Variants in CADM2 observed in about 807,000 individuals in gnomAD.
The protein encoded by CADM2 is immunoglobulin superfamily member 4D.
Under a neutral mutation model 49.8 loss-of-function variants are expected in CADM2, and 12 were observed. That is an observed-to-expected ratio of 0.24 (90% CI 0.15 to 0.39). The LOEUF is 0.39. CADM2 is among the 10% of genes least tolerant of loss of function. CADM2 has a pLI of 1.00. For missense variants in CADM2, 378 were observed against 492.3 expected, an observed-to-expected ratio of 0.77 and a Z score of 2.20; for synonymous variants, 214 against 175.4, an observed-to-expected ratio of 1.22 and a Z score of -1.74.
At chr3:85,272,422 GA>G (rs1235137685) in intron 1 of CADM2, among the ~76,000 whole-genome samples, 6 of 150,608 alleles carry the variant, frequency 4.0e-5, no homozygotes, top group Admixed American at 1.3e-4. Context: ...TTCTGAAAAA[GA>G]AAAAAAGATA....
chr3:85,930,957 A>C (rs931075915), intron 6 of CADM2, among the ~76,000 whole-genome samples: 1 of 150,568 alleles, frequency 6.6e-6, no homozygotes, highest in African/African-American at 2.4e-5. Context: ...TTAATAGTTC[A>C]GATTAATTAT....
intron 1 of CADM2, among the ~76,000 whole-genome samples, chr3:85,023,341 A>G (rs532524374): frequency 1.8e-3 from 277 of 152,052 alleles, no homozygotes; most frequent in Non-Finnish European, 3.7e-3. Flanking sequence ...TTTCCCTTTA[A>G]TATGTCTTCT....
chr3:85,517,285 T>A (rs2060927317), intron 1 of CADM2, among the ~76,000 whole-genome samples: 1 of 152,102 alleles, frequency 6.6e-6, no homozygotes, highest in Non-Finnish European at 1.5e-5. Context: ...CCATTACTTG[T>A]GGTTTAGCTT....
chr3:85,999,017 G>T (rs909595058), intron 8 of CADM2, among the ~76,000 whole-genome samples: 1 of 151,844 alleles, frequency 6.6e-6, no homozygotes, highest in African/African-American at 2.4e-5. Flanking sequence ...AAGGGGTAAG[G>T]GTTTTATGGA....
intron 3 of CADM2, among the ~76,000 whole-genome samples, chr3:85,841,463 G>A (rs187453119): frequency 2.4e-3 from 365 of 152,006 alleles, no homozygotes; most frequent in Non-Finnish European, 4.6e-3. Flanking sequence ...TATTCTAAAT[G>A]TTCTTTCAAA....
At chr3:85,112,615 T>C (rs1033111011) in intron 1 of CADM2, among the ~76,000 whole-genome samples, 1 of 151,834 alleles carries the variant, frequency 6.6e-6, no homozygotes, top group South Asian at 2.1e-4. Flanking sequence ...AATTCTTCAG[T>C]ACTATATATA....
At chr3:85,510,659 C>T (rs1430103247) in intron 1 of CADM2, among the ~76,000 whole-genome samples, 1 of 151,942 alleles carries the variant, frequency 6.6e-6, no homozygotes, top group African/African-American at 2.4e-5. Context: ...ATTCAACTCT[C>T]CTAGATTTTA....
intron 1 of CADM2, among the ~76,000 whole-genome samples, chr3:85,695,451 G>A (rs1249897570): frequency 6.6e-6 from 1 of 151,878 alleles, no homozygotes; most frequent in Non-Finnish European, 1.5e-5. Context: ...CCATTCCTGA[G>A]TTACTTTACT....
intron 1 of CADM2, among the ~76,000 whole-genome samples, chr3:85,389,876 A>C (rs1576467323): frequency 6.6e-6 from 1 of 152,032 alleles, no homozygotes; most frequent in East Asian, 1.9e-4. Context: ...TGTTATTTCT[A>C]CTCTTCCTAT....
At chr3:86,036,927 C>A (rs1248602656) in intron 8 of CADM2, among the ~76,000 whole-genome samples, 1 of 152,082 alleles carries the variant, frequency 6.6e-6, no homozygotes. Flanking sequence ...TTTTTCACCT[C>A]AGTCTTCTTT....
intron 1 of CADM2, among the ~76,000 whole-genome samples, chr3:85,438,432 G>A (rs996352601): frequency 2.6e-5 from 4 of 151,450 alleles, no homozygotes; most frequent in African/African-American, 7.3e-5. Context: ...ACATTCTTTG[G>A]CAATAGTCTT....
chr3:85,900,904 TAGG>T (rs1317761399), intron 5 of CADM2, among the ~76,000 whole-genome samples: 1 of 152,206 alleles, frequency 6.6e-6, no homozygotes, highest in African/African-American at 2.4e-5. Context: ...TTGTGGCACA[TAGG>T]AGAAGGTAGC....
At chr3:85,565,281 A>G (rs149865345) in intron 1 of CADM2, among the ~76,000 whole-genome samples, 2 of 152,242 alleles carry the variant, frequency 1.3e-5, no homozygotes, top group Non-Finnish European at 2.9e-5. Flanking sequence ...ATTTGCATTA[A>G]CTATCTCTAA....
intron 1 of CADM2, among the ~76,000 whole-genome samples, chr3:85,299,227 A>G (rs761442989): frequency 1.7e-4 from 26 of 152,130 alleles, no homozygotes; most frequent in Admixed American, 3.9e-4. Flanking sequence ...TTATTTGCTA[A>G]ATATAAATGC....
chr3:85,062,665 T>G (rs2036376398), intron 1 of CADM2, among the ~76,000 whole-genome samples: 1 of 151,862 alleles, frequency 6.6e-6, no homozygotes, highest in Admixed American at 6.6e-5. Context: ...ATTAATGTAA[T>G]ATTTTAAATT....
intron 1 of CADM2, among the ~76,000 whole-genome samples, chr3:85,288,759 C>T (rs1038378154): frequency 2.7e-5 from 4 of 148,896 alleles, no homozygotes; most frequent in Non-Finnish European, 5.9e-5. Flanking sequence ...GTTTTATTTC[C>T]GCCAGTATTC....
At chr3:85,739,799 G>A (rs535736567) in intron 2 of CADM2, among the ~76,000 whole-genome samples, 1 of 152,046 alleles carries the variant, frequency 6.6e-6, no homozygotes, top group South Asian at 2.1e-4. Context: ...AGCTATTATT[G>A]GTAACTTTAA....
At chr3:84,998,830 T>A (rs937269120) in intron 1 of CADM2, among the ~76,000 whole-genome samples, 4 of 152,154 alleles carry the variant, frequency 2.6e-5, no homozygotes, top group African/African-American at 9.7e-5. Context: ...TGGTTAACTG[T>A]GAGTTATAAT....
intron 1 of CADM2, among the ~76,000 whole-genome samples, chr3:84,963,146 T>C (rs530754909): frequency 6.6e-6 from 1 of 152,198 alleles, no homozygotes; most frequent in Non-Finnish European, 1.5e-5. Context: ...TAGCAAAATT[T>C]CATTTGGTGT....
Sources: gnomAD v4.1 joint callset for allele counts (sites outside exome capture counted in the v4.1 genomes callset) on GRCh38, gnomAD v4.1.1 for gene constraint, MANE v1.5 for transcripts, NCBI Gene and HGNC (gene_info 2026-07-23, HGNC 2026-07-21) for gene names.